Variants in MYO1H observed in about 807,000 individuals in gnomAD.
The protein encoded by MYO1H is myosin IH.
A neutral mutation model predicts 149.3 loss-of-function variants in MYO1H; 118 were observed. The ratio of observed to expected loss-of-function variants is 0.79; its 90% CI spans 0.68 to 0.92. MYO1H has a LOEUF of 0.92. Among genes scored for constraint, MYO1H ranks in the 40% least tolerant of loss-of-function variants. The pLI is 0.00. For synonymous variants in MYO1H, 447 were observed against 465.2 expected (o/e 0.96, Z 0.50); for missense variants, 1,212 against 1,280.7 (o/e 0.95, Z 0.82).
At chr12:109,340,581 T>G in the MYO1H span, among the ~76,000 whole-genome samples, 5 of 152,322 alleles carry the variant, frequency 3.3e-5, no homozygotes, top group Middle Eastern at 3.4e-3. Context: ...CAGTGAGATA[T>G]TTCATTGAAC....
intron 1 of MYO1H, among the ~76,000 whole-genome samples, chr12:109,375,861 C>T (rs1411089552): frequency 1.3e-5 from 2 of 152,036 alleles, no homozygotes; most frequent in African/African-American, 2.4e-5. Flanking sequence ...TGCCTGTGGC[C>T]TCAACTACTT....
At chr12:109,441,774 C>T (rs1285542389) in intron 26 of MYO1H, 66 bp downstream of exon 26, 18 of 1,170,688 alleles carry the variant, frequency 1.5e-5, no homozygotes, top group South Asian at 2.9e-5. Flanking sequence ...GGGTGGGGTG[C>T]GGTGGCTCAT....
chr12:109,380,790 A>G (rs1482851669), intron 1 of MYO1H, among the ~76,000 whole-genome samples: 1 of 152,166 alleles, frequency 6.6e-6, no homozygotes, highest in Non-Finnish European at 1.5e-5. Flanking sequence ...TACTAAAAAT[A>G]CAAAAATTAG....
intron 10 of MYO1H, among the ~76,000 whole-genome samples, chr12:109,408,418 T>C (rs1870494054): frequency 6.6e-6 from 1 of 152,122 alleles, no homozygotes; most frequent in Non-Finnish European, 1.5e-5. Flanking sequence ...CAAGCCATCT[T>C]CCCACTGCTG....
chr12:109,318,967 G>GTTTTTTTTTTTTTT, the MYO1H span, among the ~76,000 whole-genome samples: 52 of 79,618 alleles, frequency 6.5e-4, 2 homozygotes, highest in Middle Eastern at 8.5e-3. Context: ...TGCGTTTTTG[G>GTTTTTTTTTTTTTT]TTTTGTTTTT....
At chr12:109,327,703 G>A in the MYO1H span, among the ~76,000 whole-genome samples, 1 of 128,582 alleles carries the variant, frequency 7.8e-6, no homozygotes, top group African/African-American at 3.1e-5. Context: ...CAGAGATTGT[G>A]CCACTGCATT....
chr12:109,424,340 G>A (rs1389565965), intron 16 of MYO1H, among the ~76,000 whole-genome samples: 1 of 152,036 alleles, frequency 6.6e-6, no homozygotes, highest in Non-Finnish European at 1.5e-5. Context: ...TCTTTGTAAA[G>A]ATGAGGTTTT....
chr12:109,398,240 C>CATA (rs1870000959), intron 5 of MYO1H, among the ~76,000 whole-genome samples: 1 of 151,886 alleles, frequency 6.6e-6, no homozygotes, highest in Non-Finnish European at 1.5e-5. Flanking sequence ...GAGCACTGCT[C>CATA]ATCATGAGCA....
chr12:109,435,145 A>C, intron 21 of MYO1H, 32 bp downstream of exon 21: 4 of 1,411,596 alleles, frequency 2.8e-6, no homozygotes, highest in Non-Finnish European at 4.0e-6. Context: ...CGATTTCAAT[A>C]GAATATGAAA....
At chr12:109,314,892 GA>G in the MYO1H span, among the ~76,000 whole-genome samples, 1 of 152,182 alleles carries the variant, frequency 6.6e-6, no homozygotes, top group East Asian at 1.9e-4. Context: ...TTGAGCCCAG[GA>G]ATTCGAGACC....
At chr12:109,432,022 G>C (rs754826917) in intron 19 of MYO1H, among the ~76,000 whole-genome samples, 1 of 105,138 alleles carries the variant, frequency 9.5e-6, no homozygotes, top group Non-Finnish European at 1.8e-5. Context: ...TTTTTTTTGA[G>C]ATGGAGTCTT....
At chr12:109,350,045 A>G (rs7964706) in intron 1 of MYO1H, among the ~76,000 whole-genome samples, 80,403 of 150,720 alleles carry the variant, frequency 0.53, 22,404 homozygotes, top group African/African-American at 0.67. Flanking sequence ...AAATGACCTC[A>G]GAAGGAGCTG....
chr12:109,398,030 A>G (rs1005159143), intron 5 of MYO1H, among the ~76,000 whole-genome samples: 2 of 152,254 alleles, frequency 1.3e-5, no homozygotes, highest in African/African-American at 2.4e-5. Flanking sequence ...AGTCTGATCT[A>G]TACCAGGTGT....
intron 10 of MYO1H, among the ~76,000 whole-genome samples, chr12:109,409,225 T>TTTCTTC (rs1213445821): frequency 9.5e-6 from 1 of 105,096 alleles, no homozygotes; most frequent in East Asian, 2.8e-4. Context: ...CCTTCTTCTT[T>TTTCTTC]TTCTTCTTCT....
At chr12:109,382,219 A>G (rs1869218304) in intron 1 of MYO1H, among the ~76,000 whole-genome samples, 1 of 152,140 alleles carries the variant, frequency 6.6e-6, no homozygotes, top group South Asian at 2.1e-4. Context: ...TTTTTTGCCA[A>G]AACCAATCAA....
chr12:109,316,044 A>G, the MYO1H span, among the ~76,000 whole-genome samples: 1 of 152,108 alleles, frequency 6.6e-6, no homozygotes, highest in East Asian at 1.9e-4. Flanking sequence ...AATTCATGGT[A>G]ACTCTTGATT....
rs1269932558 is a variant in MYO1H at position 109,443,040 on chromosome 12, G to GTATACACATATATA, written c.2689-473_2689-472insATACACATATATAT. Among the ~76,000 whole-genome samples, 261 of 42,652 alleles carry GTATACACATATATA rather than the reference G, an allele frequency of 6.1e-3. 65 individuals carry two copies. The highest frequency in any genetic ancestry group is 0.012 in the Admixed American group (46 of 3,872). 28.0% of individuals were successfully genotyped at this position (42,652 alleles called of 152,430 possible). A position where few individuals can be genotyped will look rare whatever the true frequency, so the allele number is the denominator to read the frequency against. ...TATATATATATATATGTGTGTGTGT[G>GTATACACATATATA]TGTGTGTATATATGTGTACGTATGT... On this transcript the variant is annotated intron_variant, in intron 27 of 31. Transcript: ENST00000310903.
intron 31 of MYO1H, 119 bp from the exon 32 acceptor site, chr12:109,447,040 G>A: frequency 1.0e-6 from 1 of 994,390 alleles, no homozygotes; most frequent in South Asian, 1.4e-5. Context: ...AGGTGGCACT[G>A]GCTTCTCACA....
intron 2 of MYO1H, among the ~76,000 whole-genome samples, chr12:109,389,548 T>C (rs765333718): frequency 2.0e-5 from 3 of 152,120 alleles, no homozygotes; most frequent in Non-Finnish European, 4.4e-5. Flanking sequence ...ACCCCACGAA[T>C]GGTCAAGGGT....
Sources: allele counts gnomAD v4.1 joint callset (sites outside exome capture counted in the v4.1 genomes callset), GRCh38; gene constraint gnomAD v4.1.1; transcripts MANE v1.5; gene names NCBI Gene and HGNC (gene_info 2026-07-23, HGNC 2026-07-21).